ADCK2: variants seen among roughly 807,000 people sequenced by gnomAD.
ADCK2 encodes aarF domain containing kinase 2.
Under a neutral mutation model 52.3 loss-of-function variants are expected in ADCK2, and 37 were observed. The observed-to-expected ratio is 0.71, with a 90% CI of 0.54 to 0.93. The LOEUF (loss-of-function observed/expected upper bound fraction) is 0.93, where lower values mean the gene tolerates loss of function less well. Ranked by LOEUF, ADCK2 falls within the 40% of genes least tolerant of loss-of-function variation. The probability of loss-of-function intolerance (pLI) is 0.00; values close to 1 mark genes in which losing one functional copy is unlikely to be tolerated. For synonymous variants in ADCK2, 321 were observed against 349.2 expected (o/e 0.92, Z 0.90); for missense variants, 695 against 798.7 (o/e 0.87, Z 1.56).
At chr7:140,687,928 A>G (rs1794635211) in intron 5 of ADCK2, among the ~76,000 whole-genome samples, 1 of 145,792 alleles carries the variant, frequency 6.9e-6, no homozygotes, top group Admixed American at 6.9e-5. Flanking sequence ...GGGTTTTGCT[A>G]TATTGCGCAG....
At chr7:140,688,741 C>T (rs368717866) in intron 5 of ADCK2, among the ~76,000 whole-genome samples, 10 of 152,250 alleles carry the variant, frequency 6.6e-5, no homozygotes, top group South Asian at 2.1e-4. Flanking sequence ...CTGGCACGTC[C>T]GATGTGGGGA....
At chr7:140,677,000 G>A (rs534325252) in intron 2 of ADCK2, among the ~76,000 whole-genome samples, 1 of 151,684 alleles carries the variant, frequency 6.6e-6, no homozygotes, top group South Asian at 2.1e-4. Flanking sequence ...TCCAGCCTGG[G>A]TGACAGAGTG....
At chr7:140,679,418 G>A in intron 3 of ADCK2, 135 bp downstream of exon 3, 8 of 1,328,520 alleles carry the variant, frequency 6.0e-6, no homozygotes, top group Non-Finnish European at 8.3e-6. Flanking sequence ...GCTGGGATGT[G>A]TTGGCCTCGG....
Position 140,673,170 on chromosome 7 carries a change from T to A in ADCK2, c.-161T>A. 1 of 455,960 alleles carries A rather than the reference T, an allele frequency of 2.2e-6. No homozygotes were observed. The highest frequency in any genetic ancestry group is 3.5e-6 in the Non-Finnish European group (1 of 286,242). 28.2% of individuals were successfully genotyped at this position (455,960 alleles called of 1,614,324 possible). ...TCGGGCGGGGCGCGGGCCTCCGGCCTGAGGCCCGGCGAGGTGCTGGAGGGA... is the reference window on the plus strand; with the variant it reads ...TCGGGCGGGGCGCGGGCCTCCGGCCAGAGGCCCGGCGAGGTGCTGGAGGGA... On this transcript the variant is annotated 5_prime_UTR_variant, in exon 1 of 8. Coordinates refer to ENST00000072869, the MANE Select transcript of ADCK2 (RefSeq NM_052853.4). This position sits in a 1 kb window ranked among gnomAD's most constrained non-coding sequence, Gnocchi z 6.4.
rs780314843 is a variant in ADCK2, at chr7:140,693,178, A to G, written c.1741-1485A>G. On this transcript the variant is annotated intron_variant, in intron 7 of 7. Coordinates refer to ENST00000072869, the MANE Select transcript of ADCK2 (RefSeq NM_052853.4). The surrounding 1 kb of genome is among the most constrained non-coding windows in gnomAD (Gnocchi z 4.0). ...AGCACTTAATTTTTTTAAATAAAGTATTTGACAGTAACACAGAGATAAAGG... is the reference window on the plus strand; with the variant it reads ...AGCACTTAATTTTTTTAAATAAAGTGTTTGACAGTAACACAGAGATAAAGG... 6.6e-6 allele frequency among the ~76,000 whole-genome samples: 1 copy of G among 152,216 alleles called. No individual in the cohort carries two copies. Among genetic ancestry groups the G allele is most frequent in the Non-Finnish European group, 1.5e-5 (1 of 68,038 alleles).
chr7:140,680,390 T>G (rs1037344033), intron 3 of ADCK2, among the ~76,000 whole-genome samples: 1 of 151,930 alleles, frequency 6.6e-6, no homozygotes, highest in African/African-American at 2.4e-5. Flanking sequence ...CAAGTTCAAG[T>G]GATCCTCCTG....
rs191492791 is a variant in ADCK2, at chr7:140,694,788, A to T, written c.1866A>T (p.Pro622=). 263 of 1,613,254 alleles carry T rather than the reference A, an allele frequency of 1.6e-4. 4 individuals carry two copies. In the Admixed American group the frequency reaches 4.0e-3, roughly 24 times the overall value. The change falls in exon 8 of 8, where the codon CCA becomes CCT. Residue 622 remains proline (P), a synonymous_variant. Transcript: ENST00000072869. The stretch of plus-strand genomic sequence containing the variant: ...CGAGGCCCTTCCTCCTCACGGGCCC[A>T]GTGTGCCCCCCGTGATGGGGCAGTG... ...EAARPFLLTG[P]VCPP
chr7:140,694,793 GC>G lies in ADCK2; in HGVS notation c.1877del (p.Pro626ArgfsTer38), dbSNP rs750981657. Reference protein sequence around the residue: ...ARPFLLTGPVCPP With the variant: ...ARPFLLTGPVXPP Reference sequence around the variant, plus strand: ...CCCTTCCTCCTCACGGGCCCAGTGTGCCCCCCGTGATGGGGCAGTGGCCTCT... The same window carrying G: ...CCCTTCCTCCTCACGGGCCCAGTGTGCCCCCGTGATGGGGCAGTGGCCTCT... On this transcript the variant is annotated frameshift_variant, in exon 8 of 8. Transcript: ENST00000072869. LOFTEE classifies it high-confidence loss of function. 1.4e-5 allele frequency: 22 copies of G among 1,612,628 alleles called. No homozygotes were observed. Among genetic ancestry groups the G allele is most frequent in the Admixed American group, 1.7e-5 (1 of 59,830 alleles).
chr7:140,689,802 GAGAC>G, intron 6 of ADCK2, 77 bp downstream of exon 6: 1 of 1,418,556 alleles, frequency 7.0e-7, no homozygotes, highest in Non-Finnish European at 9.3e-7. Flanking sequence ...GGGTCTAAGG[GAGAC>G]CTCTTTATGA....
intron 4 of ADCK2, 35 bp downstream of exon 4, chr7:140,681,172 A>C (rs778410181): frequency 5.6e-6 from 9 of 1,602,054 alleles, no homozygotes; most frequent in Non-Finnish European, 3.4e-6. Context: ...CAGGCCCAGC[A>C]TGTGGTCAGC....
In ADCK2 at chr7:140,694,842, A is replaced by G; in HGVS notation, c.*39A>G. ...TCTGTGGGCCCTTGTCAAGAGCTGGAGGCCACTCCCAAGAGCCTCTCCTAT... is the reference window on the plus strand; with the variant it reads ...TCTGTGGGCCCTTGTCAAGAGCTGGGGGCCACTCCCAAGAGCCTCTCCTAT... On this transcript the variant is annotated 3_prime_UTR_variant, in exon 8 of 8. Transcript: ENST00000072869. 1 of 1,583,216 alleles carries G rather than the reference A, an allele frequency of 6.3e-7. No individual in the cohort carries two copies. The highest frequency in any genetic ancestry group is 8.6e-7 in the Non-Finnish European group (1 of 1,165,710).
chr7:140,684,450 C>G (rs1300248288), intron 4 of ADCK2, among the ~76,000 whole-genome samples: 1 of 152,032 alleles, frequency 6.6e-6, no homozygotes, highest in Non-Finnish European at 1.5e-5. Flanking sequence ...GGGGTCTGGA[C>G]TTTCTGGTGG....
chr7:140,673,001 G>T lies in ADCK2; in HGVS notation c.-330G>T, dbSNP rs1801654895. On this transcript the variant is annotated 5_prime_UTR_variant, in exon 1 of 8. Coordinates refer to ENST00000072869, the MANE Select transcript of ADCK2 (RefSeq NM_052853.4). The surrounding 1 kb of genome is among the most constrained non-coding windows in gnomAD (Gnocchi z 6.4). ...GCGCACGGTGACCCTGCGGCTGCCC[G>T]GCCCCTGCCTCCGCCCGCGCGGCCC... Among the ~76,000 whole-genome samples the T allele has an allele frequency of 6.6e-6, 1 of 151,050 alleles. No individual in the cohort carries two copies.
In ADCK2 at chr7:140,673,664, C is replaced by T. The variant is rs1357171303; in HGVS notation, c.334C>T (p.Pro112Ser). The T allele has an allele frequency of 9.9e-6, 16 of 1,610,852 alleles. No individual in the cohort carries two copies. The Admixed American group carries it at 2.5e-4, about 25-fold the overall frequency. The change falls in exon 1 of 8, where the codon CCC (proline) becomes TCC (serine). Residue 112 changes from proline to serine, a missense_variant. Pro to Ser is a moderately conservative substitution (Grantham distance 74). Transcript: ENST00000072869. The surrounding 1 kb of genome is among the most constrained non-coding windows in gnomAD (Gnocchi z 6.4). ...CGGCGCTCTGTTGGTGAAATTCTTC[C>T]CCCTCCTACTCCTCTACCCCCTCAC... ...RAGALLVKFF[P>S]LLLLYPLTYL...
chr7:140,682,005 A>G (rs2130784637), intron 4 of ADCK2, among the ~76,000 whole-genome samples: 1 of 152,284 alleles, frequency 6.6e-6, no homozygotes, highest in South Asian at 2.1e-4. Context: ...CATTGCCTGT[A>G]GTTTAGCAAA....
In ADCK2 at chr7:140,679,259, A is replaced by C; in HGVS notation, c.1185A>C (p.Arg395Ser). Residue 395 changes from arginine (R) to serine (S), a missense_variant, in exon 3 of 8, where the codon AGA (arginine) becomes AGC (serine). By Grantham distance (110) the Arg-to-Ser change is moderately radical (BLOSUM62 -1). Coordinates refer to ENST00000072869, the MANE Select transcript of ADCK2 (RefSeq NM_052853.4). Reference sequence around the variant, plus strand: ...CCCCTCTGCGCCCCTTTGTCACCAGAGAAGTCTTGGTGGAAACGTATGAAG... The same window carrying C: ...CCCCTCTGCGCCCCTTTGTCACCAGCGAAGTCTTGGTGGAAACGTATGAAG... ...FPTPLRPFVT[R>S]EVLVETYEES... The C allele has an allele frequency of 2.5e-6, 4 of 1,613,948 alleles. No homozygotes were observed. Among genetic ancestry groups the C allele is most frequent in the Non-Finnish European group, 3.4e-6 (4 of 1,179,968 alleles).
At chr7:140,689,143 T>G (rs1448095054) in intron 5 of ADCK2, among the ~76,000 whole-genome samples, 1 of 151,960 alleles carries the variant, frequency 6.6e-6, no homozygotes, top group Non-Finnish European at 1.5e-5. Context: ...AATTTTTGTA[T>G]TTTTAGTAGA....
chr7:140,680,482 G>T (rs1017399560), intron 3 of ADCK2, among the ~76,000 whole-genome samples: 1 of 151,128 alleles, frequency 6.6e-6, no homozygotes, highest in Non-Finnish European at 1.5e-5. Context: ...AGAGATGGGG[G>T]TCTCCTTACG....
At position 140,673,034 on chromosome 7, in the gene ADCK2, C is replaced by T. The variant is rs1212590255; in HGVS notation, c.-297C>T. ...CCTCCGCCCGCGCGGCCCCCTCGCTCAGGTCGCGGGCGCCCGGGGCCTGGC... is the reference window on the plus strand; with the variant it reads ...CCTCCGCCCGCGCGGCCCCCTCGCTTAGGTCGCGGGCGCCCGGGGCCTGGC... On this transcript the variant is annotated 5_prime_UTR_variant, in exon 1 of 8. Coordinates refer to ENST00000072869, the MANE Select transcript of ADCK2 (RefSeq NM_052853.4). This position sits in a 1 kb window ranked among gnomAD's most constrained non-coding sequence, Gnocchi z 6.4. 1 of 182,070 alleles carries T rather than the reference C, an allele frequency of 5.5e-6. No individual in the cohort carries two copies. The highest frequency in any genetic ancestry group is 1.1e-5 in the Non-Finnish European group (1 of 88,706). 11.3% of individuals were successfully genotyped at this position (182,070 alleles called of 1,614,324 possible). A position where few individuals can be genotyped will look rare whatever the true frequency, so the allele number is the denominator to read the frequency against.
Sources: gnomAD v4.1 joint callset for allele counts (sites outside exome capture counted in the v4.1 genomes callset) on GRCh38, gnomAD v4.1.1 for gene constraint, Gnocchi (gnomAD v3.1) non-coding constraint, MANE v1.5 for transcripts, NCBI Gene and HGNC (gene_info 2026-07-23, HGNC 2026-07-21) for gene names.